ELMO1: variants seen among roughly 807,000 people sequenced by gnomAD.
ELMO1 encodes engulfment and cell motility protein 1.
In ELMO1, 26 loss-of-function variants were observed where a neutral mutation model predicts 98.9. The ratio of observed to expected loss-of-function variants is 0.26; its 90% CI spans 0.19 to 0.36. The LOEUF (loss-of-function observed/expected upper bound fraction) is 0.36. ELMO1 is among the 10% of genes least tolerant of loss of function. ELMO1 has a pLI of 1.00. For synonymous variants in ELMO1, 346 were observed against 346.0 expected, an observed-to-expected ratio of 1.00 and a Z score of 0.00; for missense variants, 627 against 935.2, an observed-to-expected ratio of 0.67 and a Z score of 4.30.
chr7:37,443,829 C>T (rs762234672), intron 1 of ELMO1, among the ~76,000 whole-genome samples: 22 of 152,226 alleles, frequency 1.4e-4, no homozygotes, highest in Non-Finnish European at 3.2e-4. Context: ...CATGGCCACA[C>T]ACATGGTCCT....
chr7:37,439,400 C>T (rs1805300946), intron 1 of ELMO1, among the ~76,000 whole-genome samples: 1 of 152,216 alleles, frequency 6.6e-6, no homozygotes, highest in Admixed American at 6.5e-5. Flanking sequence ...CATTTGTGAA[C>T]ACCTACCTCT....
intron 13 of ELMO1, 48 bp from the exon 14 acceptor site, chr7:37,133,282 T>TA: frequency 6.9e-7 from 1 of 1,458,008 alleles, no homozygotes; most frequent in Non-Finnish European, 9.5e-7. Flanking sequence ...CAGCAGATTT[T>TA]ACCAACCACC....
chr7:36,955,973 C>G (rs1024632930), intron 16 of ELMO1, among the ~76,000 whole-genome samples: 1 of 152,214 alleles, frequency 6.6e-6, no homozygotes, highest in Non-Finnish European at 1.5e-5. Flanking sequence ...GATTCCATGT[C>G]TCTCTCCTCT....
chr7:37,150,114 G>A (rs188002159), intron 13 of ELMO1, among the ~76,000 whole-genome samples: 2 of 152,052 alleles, frequency 1.3e-5, no homozygotes, highest in Admixed American at 1.3e-4. Flanking sequence ...ACCTCAGATG[G>A]GGCCTTTGAT....
intron 16 of ELMO1, among the ~76,000 whole-genome samples, chr7:36,949,596 T>G (rs77325535): frequency 0.021 from 3,181 of 152,190 alleles, 115 homozygotes; most frequent in African/African-American, 0.073. Context: ...TGGAAGCCTG[T>G]CCTGTGCATT....
chr7:37,379,207 T>A (rs939229823), intron 1 of ELMO1, among the ~76,000 whole-genome samples: 24 of 151,972 alleles, frequency 1.6e-4, no homozygotes, highest in Non-Finnish European at 3.1e-4. Flanking sequence ...TCCTGGCTAA[T>A]TTTTTTGTAT....
chr7:37,400,345 G>A (rs1803472584), intron 1 of ELMO1, among the ~76,000 whole-genome samples: 1 of 152,036 alleles, frequency 6.6e-6, no homozygotes, highest in African/African-American at 2.4e-5. Flanking sequence ...GTGCTGTGTG[G>A]ACCATGAAGC....
intron 6 of ELMO1, among the ~76,000 whole-genome samples, chr7:37,246,487 A>G (rs1795011129): frequency 6.6e-6 from 1 of 152,162 alleles, no homozygotes. Flanking sequence ...AAACAAAGAG[A>G]TACCATGTGC....
intron 16 of ELMO1, among the ~76,000 whole-genome samples, chr7:36,982,132 A>G (rs1273289166): frequency 1.3e-5 from 2 of 152,236 alleles, no homozygotes; most frequent in Admixed American, 6.5e-5. Flanking sequence ...CCAATACTCA[A>G]TTCAGTTATT....
At chr7:37,356,420 C>T (rs1318942466) in intron 1 of ELMO1, among the ~76,000 whole-genome samples, 1 of 152,168 alleles carries the variant, frequency 6.6e-6, no homozygotes, top group African/African-American at 2.4e-5. Flanking sequence ...CTCCCACCAA[C>T]AGTGTAAAAG....
chr7:37,205,675 G>A (rs1323009559), intron 13 of ELMO1, among the ~76,000 whole-genome samples: 2 of 152,176 alleles, frequency 1.3e-5, no homozygotes, highest in African/African-American at 4.8e-5. Context: ...GCTGAAACAG[G>A]AAGGCAGGGT....
intron 13 of ELMO1, among the ~76,000 whole-genome samples, chr7:37,172,414 T>TTTCTC (rs1029153206): frequency 6.6e-6 from 1 of 152,218 alleles, no homozygotes; most frequent in Non-Finnish European, 1.5e-5. Flanking sequence ...TCTCTCTGTA[T>TTTCTC]TTCTCTGAAC....
rs1803418111 is a variant in ELMO1, at chr7:36,870,513, T to C, written c.1823-38A>G. On this transcript the variant is annotated intron_variant, in intron 19 of 21. Coordinates refer to ENST00000310758, the MANE Select transcript of ELMO1 (RefSeq NM_014800.11). The surrounding 1 kb of genome is among the most constrained non-coding windows in gnomAD (Gnocchi z 4.4). ...AAAGAAAATGCAAGTAACTACACCATGTGAAAACTTTGATGTCAATAAAGA... is the reference window on the plus strand; with the variant it reads ...AAAGAAAATGCAAGTAACTACACCACGTGAAAACTTTGATGTCAATAAAGA... 2 of 1,597,938 alleles carry C rather than the reference T, an allele frequency of 1.3e-6. No individual in the cohort carries two copies. Among genetic ancestry groups the C allele is most frequent in the South Asian group, 1.1e-5 (1 of 89,708 alleles).
chr7:37,123,105 A>G (rs553500626), intron 14 of ELMO1, among the ~76,000 whole-genome samples: 10 of 152,054 alleles, frequency 6.6e-5, no homozygotes, highest in South Asian at 2.1e-4. Flanking sequence ...AAGACACAAC[A>G]TACCAGAATC....
intron 16 of ELMO1, among the ~76,000 whole-genome samples, chr7:36,941,655 A>C (rs1787047203): frequency 6.6e-6 from 1 of 152,232 alleles, no homozygotes; most frequent in Non-Finnish European, 1.5e-5. Flanking sequence ...GCATTGCTAA[A>C]GGGCCATTAG....
At chr7:36,994,504 A>G (rs1792073325) in intron 16 of ELMO1, among the ~76,000 whole-genome samples, 1 of 152,228 alleles carries the variant, frequency 6.6e-6, no homozygotes, top group African/African-American at 2.4e-5. Context: ...GAGAGGTTAT[A>G]CAAGCCTTCT....
chr7:37,092,915 C>CTTTT (rs79327023), intron 15 of ELMO1, among the ~76,000 whole-genome samples: 4 of 137,054 alleles, frequency 2.9e-5, no homozygotes, highest in African/African-American at 1.1e-4. Context: ...CTTTCTTTTT[C>CTTTT]TTTTTTTTTT....
At chr7:37,168,929 C>T (rs1303163834) in intron 13 of ELMO1, among the ~76,000 whole-genome samples, 2 of 152,188 alleles carry the variant, frequency 1.3e-5, no homozygotes, top group Admixed American at 6.5e-5. Context: ...TTTGTCTGTG[C>T]CCTGTCCCCA....
In ELMO1 at chr7:36,855,749, G is replaced by A; in HGVS notation, c.1986C>T (p.Tyr662=). The A allele has an allele frequency of 6.2e-7, 1 of 1,613,958 alleles. No homozygotes were observed. The highest frequency in any genetic ancestry group is 8.5e-7 in the Non-Finnish European group (1 of 1,179,912). ...LNFIAPDKHE[Y]CIWTDGLNAL... ...CATTCAGTCCATCCGTCCAGATACA[G>A]TACTGGCAGGAAGGGAGGCAACAGC... The change falls in exon 22 of 22, where the codon TAC becomes TAT. Residue 662 remains tyrosine, a splice_region_variant and synonymous_variant. Coordinates refer to ENST00000310758, the MANE Select transcript of ELMO1 (RefSeq NM_014800.11). This position sits in a 1 kb window ranked among gnomAD's most constrained non-coding sequence, Gnocchi z 4.2.
Sources: gnomAD v4.1 joint callset for allele counts (sites outside exome capture counted in the v4.1 genomes callset) on GRCh38, gnomAD v4.1.1 for gene constraint, Gnocchi (gnomAD v3.1) non-coding constraint, MANE v1.5 for transcripts, NCBI Gene and HGNC (gene_info 2026-07-23, HGNC 2026-07-21) for gene names.